MIEF2: variants seen among roughly 807,000 people sequenced by gnomAD.
MIEF2 encodes the protein mitochondrial dynamics protein MID49.
A neutral mutation model predicts 7.4 loss-of-function variants in MIEF2; 1 was observed. The observed-to-expected ratio is 0.14, with a 90% confidence interval of 0.05 to 0.64. The LOEUF (loss-of-function observed/expected upper bound fraction) is 0.64, where lower values mean the gene tolerates loss of function less well. MIEF2 is among the 30% of genes least tolerant of loss of function. The pLI is 0.85. For synonymous variants in MIEF2, 275 were observed against 290.5 expected, an observed-to-expected ratio of 0.95 and a Z score of 0.54; for missense variants, 569 against 623.9, an observed-to-expected ratio of 0.91 and a Z score of 0.94.
intron 1 of MIEF2, 96 bp downstream of exon 1, chr17:18,260,833 C>T (rs748294265): frequency 9.3e-5 from 42 of 449,652 alleles, no homozygotes; most frequent in Middle Eastern, 5.9e-4. Flanking sequence ...CCGCGATCAC[C>T]GCTGGGGAAG....
Position 18,262,751 on chromosome 17 carries a change from C to T in MIEF2, c.31C>T (p.Arg11Trp), listed in dbSNP as rs772064266. Residue 11 changes from arginine to tryptophan, a missense_variant, in exon 2 of 4, where the codon CGG (arginine) becomes TGG (tryptophan). Arg to Trp is a moderately radical substitution (Grantham distance 101). Coordinates refer to ENST00000323019, the MANE Select transcript of MIEF2 (RefSeq NM_139162.4). Reference protein sequence around the residue: MAEFSQKRGKRRSDEGLGSMV... With the variant: MAEFSQKRGKWRSDEGLGSMV... ...AGAGTTCTCCCAGAAACGGGGGAAG[C>T]GGCGTAGCGACGAAGGGCTGGGCAG... 4.4e-5 allele frequency: 70 copies of T among 1,607,874 alleles called. No homozygotes were observed. Among genetic ancestry groups the T allele is most frequent in the South Asian group, 5.5e-5 (5 of 90,524 alleles).
chr17:18,263,322 T>C (rs1322406675), intron 3 of MIEF2, 74 bp downstream of exon 3: 2 of 1,587,164 alleles, frequency 1.3e-6, no homozygotes, highest in South Asian at 1.1e-5. Flanking sequence ...TGACTGACTG[T>C]GTGACCCTGC....
chr17:18,261,183 T>G (rs1469460916), intron 1 of MIEF2: 2 of 1,551,420 alleles, frequency 1.3e-6, no homozygotes. Context: ...TTAAAGCGCT[T>G]TACAGTTTGC....
chr17:18,263,073 A>C lies in MIEF2; in HGVS notation c.148-13A>C. 1 of 1,612,428 alleles carries C rather than the reference A, an allele frequency of 6.2e-7. No homozygotes were observed. The highest frequency in any genetic ancestry group is 8.5e-7 in the Non-Finnish European group (1 of 1,179,326). On this transcript the variant is annotated splice_polypyrimidine_tract_variant and intron_variant, in intron 2 of 3. Coordinates refer to ENST00000323019, the MANE Select transcript of MIEF2 (RefSeq NM_139162.4). ...GATTTCATATACACTGATCTGTGTG[A>C]CTGTGCTTGCAGTTCATTGACAGGG...
chr17:18,263,206 A>C lies in MIEF2; in HGVS notation c.268A>C (p.Ser90Arg). 6.2e-7 allele frequency: 1 copy of C among 1,613,622 alleles called. No homozygotes were observed. The highest frequency in any genetic ancestry group is 1.1e-5 in the South Asian group (1 of 91,084). The change falls in exon 3 of 4, where the codon AGC becomes CGC. Residue 90 changes from serine (S) to arginine (R), a missense_variant. Physicochemically the swap from Ser to Arg is moderately radical, Grantham distance 110. Coordinates refer to ENST00000323019, the MANE Select transcript of MIEF2 (RefSeq NM_139162.4). Reference protein sequence around the residue: ...LQPRPPPAALSQPVLPLAPSS... With the variant: ...LQPRPPPAALRQPVLPLAPSS... Reference sequence around the variant, plus strand: ...GCCCCGGCCTCCACCTGCTGCCCTTAGCCAGCCAGTGTTGCCCTTGGCCCC... The same window carrying C: ...GCCCCGGCCTCCACCTGCTGCCCTTCGCCAGCCAGTGTTGCCCTTGGCCCC...
Position 18,264,815 on chromosome 17 carries a change from C to T in MIEF2, c.*51C>T. On this transcript the variant is annotated 3_prime_UTR_variant, in exon 4 of 4. Transcript: ENST00000323019. ...GTTTTCTAATGCTGGGGAGCTGCAC[C>T]CACCTCCCTTCCAGGGATTTGAATA... 6.4e-7 allele frequency: 1 copy of T among 1,559,258 alleles called. No individual in the cohort carries two copies. Among genetic ancestry groups the T allele is most frequent in the Non-Finnish European group, 8.7e-7 (1 of 1,150,514 alleles).
rs1978715627 is a variant in MIEF2, at chr17:18,265,753, A to G, written c.*989A>G. 6.6e-6 allele frequency: 1 copy of G among 152,504 alleles called. No homozygotes were observed. The highest frequency in any genetic ancestry group is 2.1e-4 in the South Asian group (1 of 4,834). 9.4% of individuals were successfully genotyped at this position (152,504 alleles called of 1,614,324 possible). ...CAGCTTCGAAGATGTGAACAAGAATAAAAGGAAAAAATTCTAATGTATATA... is the reference window on the plus strand; with the variant it reads ...CAGCTTCGAAGATGTGAACAAGAATGAAAGGAAAAAATTCTAATGTATATA... On this transcript the variant is annotated 3_prime_UTR_variant, in exon 4 of 4. Coordinates refer to ENST00000323019, the MANE Select transcript of MIEF2 (RefSeq NM_139162.4).
Position 18,266,174 on chromosome 17 carries a change from C to T in MIEF2, c.*1410C>T, listed in dbSNP as rs1428299405. ...TGAGCTGAAATTGCACCACTGCACTCCAGACTGGCGACAGAGCAAGACTCT... is the reference window on the plus strand; with the variant it reads ...TGAGCTGAAATTGCACCACTGCACTTCAGACTGGCGACAGAGCAAGACTCT... On this transcript the variant is annotated 3_prime_UTR_variant, in exon 4 of 4. Transcript: ENST00000323019. 6.6e-6 allele frequency: 1 copy of T among 151,626 alleles called. No individual in the cohort carries two copies. Among genetic ancestry groups the T allele is most frequent in the African/African-American group, 2.4e-5 (1 of 41,170 alleles). The allele number at this position is 151,626 out of a possible 1,614,324, so 9.4% of individuals were successfully genotyped here. A position where few individuals can be genotyped will look rare whatever the true frequency, so the allele number is the denominator to read the frequency against.
Position 18,263,692 on chromosome 17 carries a change from C to A in MIEF2, c.311-18C>A. 1 of 1,543,626 alleles carries A rather than the reference C, an allele frequency of 6.5e-7. No individual in the cohort carries two copies. The highest frequency in any genetic ancestry group is 8.7e-7 in the Non-Finnish European group (1 of 1,145,460). On this transcript the variant is annotated intron_variant, in intron 3 of 3. Coordinates refer to ENST00000323019, the MANE Select transcript of MIEF2 (RefSeq NM_139162.4). ...TCACAGGCTGTTCCGACATGTTCCCCGCCCCTTCACTCTGCAGAAGGGCCT... is the reference window on the plus strand; with the variant it reads ...TCACAGGCTGTTCCGACATGTTCCCAGCCCCTTCACTCTGCAGAAGGGCCT...
chr17:18,262,743 G>C lies in MIEF2; in HGVS notation c.23G>C (p.Arg8Pro). MAEFSQKRGKRRSDEGLG... is the reference protein window; with the variant it reads MAEFSQKPGKRRSDEGLG... ...ACCATGGCAGAGTTCTCCCAGAAAC[G>C]GGGGAAGCGGCGTAGCGACGAAGGG... is the stretch of plus-strand genomic sequence containing the variant. Residue 8 changes from arginine to proline, a missense_variant, in exon 2 of 4, where the codon CGG (arginine) becomes CCG (proline). Transcript: ENST00000323019. 1 of 1,607,902 alleles carries C rather than the reference G, an allele frequency of 6.2e-7. No individual in the cohort carries two copies. The highest frequency in any genetic ancestry group is 1.1e-5 in the South Asian group (1 of 90,486).
In MIEF2 at chr17:18,264,377, G is replaced by T; in HGVS notation, c.978G>T (p.Ala326=). 1 of 1,602,684 alleles carries T rather than the reference G, an allele frequency of 6.2e-7. No individual in the cohort carries two copies. The highest frequency in any genetic ancestry group is 8.5e-7 in the Non-Finnish European group (1 of 1,179,770). Residue 326 remains alanine, a synonymous_variant, in exon 4 of 4, where the codon GCG becomes GCT. Coordinates refer to ENST00000323019, the MANE Select transcript of MIEF2 (RefSeq NM_139162.4). ...LLLAWPLEGL[A]GNLWLQDLYP... The stretch of plus-strand genomic sequence containing the variant: ...TGGCCTGGCCCCTGGAGGGGCTGGC[G>T]GGGAACCTCTGGCTGCAGGACCTGT...
Position 18,263,994 on chromosome 17 carries a change from C to T in MIEF2, c.595C>T (p.Pro199Ser), listed in dbSNP as rs753923218. 5.7e-5 allele frequency: 89 copies of T among 1,568,608 alleles called. No homozygotes were observed. Among genetic ancestry groups the T allele is most frequent in the Non-Finnish European group, 7.2e-5 (83 of 1,160,052 alleles). ...GAADHVRLLV[P>S]LVLEPGLWSL... ...TGCGGACCATGTGCGTCTCCTGGTGCCACTGGTGCTGGAGCCGGGCCTGTG... is the reference window on the plus strand; with the variant it reads ...TGCGGACCATGTGCGTCTCCTGGTGTCACTGGTGCTGGAGCCGGGCCTGTG... The change falls in exon 4 of 4, where the codon CCA becomes TCA. Residue 199 changes from proline to serine, a missense_variant. Physicochemically the swap from Pro to Ser is moderately conservative, Grantham distance 74 (BLOSUM62 -1). Coordinates refer to ENST00000323019, the MANE Select transcript of MIEF2 (RefSeq NM_139162.4).
chr17:18,262,584 G>T, intron 1 of MIEF2, 130 bp from the exon 2 acceptor site: 4 of 854,534 alleles, frequency 4.7e-6, no homozygotes, highest in Non-Finnish European at 6.6e-6. Context: ...GAAATTCTCA[G>T]AAAGCCCCCC....
Position 18,262,743 on chromosome 17 carries a change from G to T in MIEF2, c.23G>T (p.Arg8Leu), listed in dbSNP as rs757390919. Residue 8 changes from arginine (R) to leucine (L), a missense_variant, in exon 2 of 4, where the codon CGG becomes CTG. Transcript: ENST00000323019. MAEFSQK[R>L]GKRRSDEGLG... ...ACCATGGCAGAGTTCTCCCAGAAACGGGGGAAGCGGCGTAGCGACGAAGGG... is the reference window on the plus strand; with the variant it reads ...ACCATGGCAGAGTTCTCCCAGAAACTGGGGAAGCGGCGTAGCGACGAAGGG... 2 of 1,607,784 alleles carry T rather than the reference G, an allele frequency of 1.2e-6. No individual in the cohort carries two copies. Among genetic ancestry groups the T allele is most frequent in the Non-Finnish European group, 1.7e-6 (2 of 1,176,820 alleles).
intron 3 of MIEF2, 65 bp downstream of exon 3, chr17:18,263,313 G>A (rs1316664407): frequency 1.9e-6 from 3 of 1,603,342 alleles, no homozygotes; most frequent in African/African-American, 1.3e-5. Context: ...GCTTTGCCCT[G>A]ACTGACTGTG....
chr17:18,260,982 G>T, intron 1 of MIEF2: 1 of 899,272 alleles, frequency 1.1e-6, no homozygotes. Context: ...TGCTCCGCCC[G>T]GGCCCAGGGC....
rs897104283 is a variant in MIEF2, at chr17:18,264,050, G to A, written c.651G>A (p.Ala217=). Residue 217 remains alanine, a synonymous_variant, in exon 4 of 4, where the codon GCG becomes GCA. Transcript: ENST00000323019. Reference sequence around the variant, plus strand: ...TGGTGCCGGGCGTGGACACTGTGGCGAGGGACCCTCGCTGCTGGGCCGTGC... The same window carrying A: ...TGGTGCCGGGCGTGGACACTGTGGCAAGGGACCCTCGCTGCTGGGCCGTGC... ...WSLVPGVDTV[A]RDPRCWAVRR... The A allele has an allele frequency of 1.5e-5, 24 of 1,553,072 alleles. No individual in the cohort carries two copies. The highest frequency in any genetic ancestry group is 2.1e-5 in the Non-Finnish European group (24 of 1,153,302).
intron 1 of MIEF2, chr17:18,261,110 C>A (rs1400040442): frequency 1.5e-5 from 23 of 1,551,332 alleles, no homozygotes; most frequent in Non-Finnish European, 1.9e-5. Flanking sequence ...AGGCTGTGGA[C>A]TGAGGCCTGC....
Position 18,264,860 on chromosome 17 carries a change from T to C in MIEF2, c.*96T>C. 1 of 1,485,116 alleles carries C rather than the reference T, an allele frequency of 6.7e-7. No individual in the cohort carries two copies. Among genetic ancestry groups the C allele is most frequent in the Non-Finnish European group, 8.9e-7 (1 of 1,117,776 alleles). The allele number at this position is 1,485,116 out of a possible 1,614,324, so 92.0% of individuals were successfully genotyped here. ...TGAATAGTGGTTTTTCTCTAGCTTT[T>C]TGCCAGAACAAAGGAGGGTACATTA... On this transcript the variant is annotated 3_prime_UTR_variant, in exon 4 of 4. Coordinates refer to ENST00000323019, the MANE Select transcript of MIEF2 (RefSeq NM_139162.4).
Sources: gnomAD v4.1 joint callset for allele counts on GRCh38, gnomAD v4.1.1 for gene constraint, MANE v1.5 for transcripts, NCBI Gene and HGNC (gene_info 2026-07-23, HGNC 2026-07-21) for gene names.